The following RBMS3 variants were observed in gnomAD, a reference collection of about 807,000 sequenced individuals.
RBMS3 encodes the protein RNA-binding motif, single-stranded-interacting protein 3.
In RBMS3, 27 loss-of-function variants were observed where a neutral mutation model predicts 66.8. That is an observed-to-expected ratio of 0.40 (90% CI 0.30 to 0.56). RBMS3 has a LOEUF of 0.56. Among genes scored for constraint, RBMS3 ranks in the 20% least tolerant of loss-of-function variants. The probability of loss-of-function intolerance (pLI) is 0.40; values close to 1 mark genes in which losing one functional copy is unlikely to be tolerated. For missense variants in RBMS3, 513 were observed against 549.5 expected, an observed-to-expected ratio of 0.93 and a Z score of 0.66; for synonymous variants, 188 against 183.0, an observed-to-expected ratio of 1.03 and a Z score of -0.22.
intron 3 of RBMS3, among the ~76,000 whole-genome samples, chr3:29,534,039 A>G (rs956696375): frequency 6.6e-6 from 1 of 152,190 alleles, no homozygotes; most frequent in African/African-American, 2.4e-5. Flanking sequence ...CTGTGACTCA[A>G]ATTAAGAAAG....
At chr3:29,349,987 C>T (rs2125556170) in intron 1 of RBMS3, among the ~76,000 whole-genome samples, 1 of 151,906 alleles carries the variant, frequency 6.6e-6, no homozygotes, top group South Asian at 2.1e-4. Context: ...TGGAGAAAAC[C>T]CCATCTCTAC....
chr3:29,900,365 A>AT (rs1319694935), intron 10 of RBMS3, among the ~76,000 whole-genome samples: 1 of 151,692 alleles, frequency 6.6e-6, no homozygotes, highest in Non-Finnish European at 1.5e-5. Context: ...TATAGTGGAA[A>AT]TTTTCTCTCT....
At chr3:29,993,948 C>G (rs373320850) in intron 14 of RBMS3, among the ~76,000 whole-genome samples, 1 of 151,078 alleles carries the variant, frequency 6.6e-6, no homozygotes, top group Non-Finnish European at 1.5e-5. Context: ...CGAATAGGAA[C>G]AGCTCCAGTC....
intron 3 of RBMS3, among the ~76,000 whole-genome samples, chr3:29,489,304 AC>A (rs915211454): frequency 6.6e-5 from 10 of 152,268 alleles, no homozygotes; most frequent in African/African-American, 1.9e-4. Context: ...AGGAAAGAAC[AC>A]TCAGAAACTC....
intron 3 of RBMS3, among the ~76,000 whole-genome samples, chr3:29,537,166 G>T (rs2045586444): frequency 6.6e-6 from 1 of 152,198 alleles, no homozygotes; most frequent in South Asian, 2.1e-4. Context: ...GAAAGAGAAG[G>T]TAAAAAAGGT....
intron 2 of RBMS3, among the ~76,000 whole-genome samples, chr3:29,450,093 G>A (rs1163070212): frequency 6.6e-6 from 1 of 152,162 alleles, no homozygotes; most frequent in Non-Finnish European, 1.5e-5. Context: ...AAACTACAGC[G>A]GGCCTAATGT....
At chr3:29,952,256 G>C (rs1275060753) in intron 12 of RBMS3, among the ~76,000 whole-genome samples, 2 of 151,812 alleles carry the variant, frequency 1.3e-5, no homozygotes, top group African/African-American at 2.4e-5. Context: ...ATATAGAATT[G>C]GCAGAATTTT....
intron 6 of RBMS3, among the ~76,000 whole-genome samples, chr3:29,815,905 C>T (rs9310918): frequency 1.3e-5 from 2 of 150,474 alleles, no homozygotes; most frequent in Admixed American, 6.6e-5. Flanking sequence ...TCCATGTAAC[C>T]GAAAAGCACC....
At chr3:29,706,637 A>G (rs569890070) in intron 4 of RBMS3, among the ~76,000 whole-genome samples, 1 of 152,322 alleles carries the variant, frequency 6.6e-6, no homozygotes, top group Admixed American at 6.5e-5. Flanking sequence ...AGAACAACGA[A>G]TGACATCTTG....
At chr3:29,575,719 G>A (rs1157223700) in intron 3 of RBMS3, among the ~76,000 whole-genome samples, 4 of 151,938 alleles carry the variant, frequency 2.6e-5, no homozygotes, top group Admixed American at 2.6e-4. Flanking sequence ...CTCTGATTGT[G>A]TGTTTTCAAA....
chr3:29,859,876 G>T (rs2059170861), intron 6 of RBMS3, among the ~76,000 whole-genome samples: 1 of 152,022 alleles, frequency 6.6e-6, no homozygotes, highest in Non-Finnish European at 1.5e-5. Flanking sequence ...ACACACATAT[G>T]CATGGGGGCA....
intron 3 of RBMS3, among the ~76,000 whole-genome samples, chr3:29,585,968 C>T (rs1383665162): frequency 6.6e-6 from 1 of 152,088 alleles, no homozygotes; most frequent in Non-Finnish European, 1.5e-5. Context: ...TTAAAAGAAA[C>T]AACTTCGTAA....
At chr3:29,654,724 G>A (rs62234904) in intron 4 of RBMS3, among the ~76,000 whole-genome samples, 2 of 151,272 alleles carry the variant, frequency 1.3e-5, no homozygotes, top group Non-Finnish European at 2.9e-5. Flanking sequence ...TAGAGTAGCT[G>A]GAATACAGGC....
chr3:29,418,435 A>G (rs1439576367), intron 1 of RBMS3, among the ~76,000 whole-genome samples: 3 of 152,162 alleles, frequency 2.0e-5, no homozygotes, highest in African/African-American at 7.2e-5. Context: ...GAAATTAATG[A>G]CCAGTGGAAT....
intron 1 of RBMS3, among the ~76,000 whole-genome samples, chr3:29,356,640 A>G (rs2037237313): frequency 6.6e-6 from 1 of 152,174 alleles, no homozygotes; most frequent in South Asian, 2.1e-4. Context: ...ATTTTTCTCA[A>G]GGACTGTGTT....
Position 29,897,439 on chromosome 3 carries a change from G to T in RBMS3, c.852G>T (p.Thr284=). Residue 284 remains threonine, a synonymous_variant, in exon 9 of 15, where the codon ACG becomes ACT. Coordinates refer to ENST00000383767, the MANE Select transcript of RBMS3 (RefSeq NM_001003793.3). ...TNRMIPQTSI[T]PFIAASPVST... ...GCATGATTCCACAGACATCTATCAC[G>T]CCATTCATTGCTGCTTCCCCTGTCT... 1.9e-6 allele frequency: 3 copies of T among 1,610,982 alleles called. No homozygotes were observed. Among genetic ancestry groups the T allele is most frequent in the Non-Finnish European group, 2.5e-6 (3 of 1,177,976 alleles).
chr3:29,511,055 T>G (rs961813259), intron 3 of RBMS3, among the ~76,000 whole-genome samples: 1 of 152,174 alleles, frequency 6.6e-6, no homozygotes, highest in East Asian at 1.9e-4. Context: ...TCCCAACACT[T>G]TGGGAGGCCA....
intron 12 of RBMS3, among the ~76,000 whole-genome samples, chr3:29,955,573 A>T (rs1048896921): frequency 6.6e-6 from 1 of 151,940 alleles, no homozygotes; most frequent in Non-Finnish European, 1.5e-5. Context: ...ATTCCACTGG[A>T]CCCGTGAAAC....
At chr3:29,882,425 T>A (rs2059758275) in intron 7 of RBMS3, among the ~76,000 whole-genome samples, 1 of 152,152 alleles carries the variant, frequency 6.6e-6, no homozygotes, top group Non-Finnish European at 1.5e-5. Context: ...ATGAATGAGA[T>A]TCATAAATTT....
Sources: allele counts gnomAD v4.1 joint callset (sites outside exome capture counted in the v4.1 genomes callset), GRCh38; gene constraint gnomAD v4.1.1; transcripts MANE v1.5; gene names NCBI Gene and HGNC (gene_info 2026-07-23, HGNC 2026-07-21).